The following CSMD3 variants were observed in gnomAD, a reference collection of about 807,000 sequenced individuals.
CSMD3 encodes the protein CUB and Sushi multiple domains 3.
In CSMD3, 177 loss-of-function variants were observed where a neutral mutation model predicts 435.2. The observed-to-expected ratio is 0.41, with a 90% CI of 0.36 to 0.46. The LOEUF is 0.46. Among genes scored for constraint, CSMD3 ranks in the 20% least tolerant of loss-of-function variants. The probability of loss-of-function intolerance (pLI) is 0.34; values close to 1 mark genes in which losing one functional copy is unlikely to be tolerated. For synonymous variants in CSMD3, 1,656 were observed against 1,520.5 expected (o/e 1.09, Z -2.07); for missense variants, 4,265 against 4,504.6 (o/e 0.95, Z 1.52).
At chr8:112,433,837 T>G (rs1814020617) in intron 32 of CSMD3, among the ~76,000 whole-genome samples, 2 of 149,550 alleles carry the variant, frequency 1.3e-5, no homozygotes, top group Admixed American at 6.7e-5. Flanking sequence ...TAGAAAGCCA[T>G]CTATTTTAGT....
intron 10 of CSMD3, among the ~76,000 whole-genome samples, chr8:112,860,823 G>GT (rs1288770942): frequency 6.6e-6 from 1 of 151,718 alleles, no homozygotes; most frequent in Non-Finnish European, 1.5e-5. Context: ...TGACCCTTAA[G>GT]TAGCATAATT....
chr8:112,812,271 A>G (rs2079248386), intron 12 of CSMD3, among the ~76,000 whole-genome samples: 1 of 152,176 alleles, frequency 6.6e-6, no homozygotes, highest in Non-Finnish European at 1.5e-5. Flanking sequence ...TTTAACTGTA[A>G]CACTTGACTG....
At chr8:113,002,649 C>G (rs1373616896) in intron 6 of CSMD3, among the ~76,000 whole-genome samples, 2 of 152,056 alleles carry the variant, frequency 1.3e-5, no homozygotes, top group African/African-American at 2.4e-5. Context: ...GCTAGTTTAT[C>G]AGTTTTGTCT....
rs2130987426 is a variant in CSMD3 at position 112,517,056 on chromosome 8, C to T, written c.4734G>A (p.Gln1578=). The T allele has an allele frequency of 6.2e-7, 1 of 1,613,426 alleles. No homozygotes were observed. The highest frequency in any genetic ancestry group is 1.1e-5 in the South Asian group (1 of 91,068). ...CIQVENRYFW[Q]PSPPVCIAPC... ...TACCTATACAGACTGGTGGGCTGGGCTGCCAGAAGTACCGATTTTCTACCT... is the reference window on the plus strand; with the variant it reads ...TACCTATACAGACTGGTGGGCTGGGTTGCCAGAAGTACCGATTTTCTACCT... Residue 1578 remains glutamine, a synonymous_variant, in exon 28 of 71, where the codon CAG becomes CAA. Transcript: ENST00000297405.
chr8:112,785,701 A>G (rs970035537), intron 13 of CSMD3, among the ~76,000 whole-genome samples: 4 of 152,064 alleles, frequency 2.6e-5, no homozygotes, highest in Admixed American at 2.0e-4. Context: ...CAAATAAAAT[A>G]AAATACCTAG....
At chr8:112,689,167 T>G (rs936847781) in intron 14 of CSMD3, among the ~76,000 whole-genome samples, 2 of 152,028 alleles carry the variant, frequency 1.3e-5, no homozygotes, top group Admixed American at 6.6e-5. Context: ...CTTCTAGACT[T>G]CCTGAAGAGC....
intron 1 of CSMD3, among the ~76,000 whole-genome samples, chr8:113,424,605 G>A (rs1027717480): frequency 1.3e-5 from 2 of 151,158 alleles, no homozygotes; most frequent in Non-Finnish European, 3.0e-5. Context: ...AAAAGTGTAA[G>A]AGCACAGTTT....
intron 63 of CSMD3, among the ~76,000 whole-genome samples, chr8:112,250,198 C>T (rs1815139705): frequency 6.6e-6 from 1 of 151,846 alleles, no homozygotes; most frequent in Non-Finnish European, 1.5e-5. Flanking sequence ...ACTACATACA[C>T]TTTGTTTTTA....
intron 3 of CSMD3, among the ~76,000 whole-genome samples, chr8:113,221,191 G>T (rs2092962058): frequency 6.6e-6 from 1 of 151,234 alleles, no homozygotes; most frequent in South Asian, 2.1e-4. Context: ...AAAAATAGAT[G>T]ATAGTATTGT....
intron 58 of CSMD3, 138 bp downstream of exon 58, chr8:112,286,926 T>C (rs1413084461): frequency 2.7e-6 from 2 of 744,310 alleles, no homozygotes; most frequent in Non-Finnish European, 4.7e-6. Flanking sequence ...TACAGTATAA[T>C]GGGAATACGA....
At chr8:112,803,449 C>T (rs1019773719) in intron 12 of CSMD3, among the ~76,000 whole-genome samples, 1 of 152,104 alleles carries the variant, frequency 6.6e-6, no homozygotes, top group African/African-American at 2.4e-5. Context: ...TGTTTTAGCA[C>T]ATACTGTGCC....
intron 17 of CSMD3, among the ~76,000 whole-genome samples, chr8:112,662,705 G>A (rs1440584290): frequency 6.6e-6 from 1 of 152,136 alleles, no homozygotes; most frequent in Non-Finnish European, 1.5e-5. Context: ...CTTCTGCACA[G>A]CAAAAGAAAC....
At chr8:113,249,750 A>C (rs145511804) in intron 3 of CSMD3, among the ~76,000 whole-genome samples, 1 of 152,138 alleles carries the variant, frequency 6.6e-6, no homozygotes, top group Non-Finnish European at 1.5e-5. Context: ...CTGTACCCTT[A>C]AATATTTAAT....
intron 1 of CSMD3, among the ~76,000 whole-genome samples, chr8:113,370,563 T>C (rs986643812): frequency 6.6e-6 from 1 of 151,968 alleles, no homozygotes; most frequent in Non-Finnish European, 1.5e-5. Context: ...CACAAACACA[T>C]TCATCCTATC....
chr8:113,399,348 C>T (rs1563783237), intron 1 of CSMD3, among the ~76,000 whole-genome samples: 1 of 151,236 alleles, frequency 6.6e-6, no homozygotes, highest in African/African-American at 2.4e-5. Context: ...TAAAAATATA[C>T]ATTCACAGAA....
intron 13 of CSMD3, among the ~76,000 whole-genome samples, chr8:112,755,341 A>AATG (rs2077670659): frequency 8.3e-6 from 1 of 120,564 alleles, no homozygotes; most frequent in East Asian, 2.4e-4. Context: ...AAATAATAAT[A>AATG]ATAATAATAA....
chr8:112,863,845 A>G (rs1172730724), intron 10 of CSMD3, among the ~76,000 whole-genome samples: 1 of 140,754 alleles, frequency 7.1e-6, no homozygotes, highest in East Asian at 2.2e-4. Flanking sequence ...CTACAGTCTC[A>G]GAAAAATAGA....
chr8:112,869,405 A>G (rs13250025), intron 10 of CSMD3, among the ~76,000 whole-genome samples: 1 of 152,204 alleles, frequency 6.6e-6, no homozygotes, highest in Non-Finnish European at 1.5e-5. Context: ...TTTATTATTT[A>G]TTGATCAAAT....
At chr8:112,415,243 C>T (rs1811781229) in intron 32 of CSMD3, among the ~76,000 whole-genome samples, 1 of 152,194 alleles carries the variant, frequency 6.6e-6, no homozygotes, top group Non-Finnish European at 1.5e-5. Flanking sequence ...GGACATGGTG[C>T]CCTGCACCCA....
Sources: allele counts gnomAD v4.1 joint callset (sites outside exome capture counted in the v4.1 genomes callset), GRCh38; gene constraint gnomAD v4.1.1; transcripts MANE v1.5; gene names NCBI Gene and HGNC (gene_info 2026-07-23, HGNC 2026-07-21).